The following STK11IP variants were observed in gnomAD, a reference collection of about 807,000 sequenced individuals.
STK11IP encodes serine/threonine-protein kinase 11-interacting protein.
STK11IP carries 103 observed loss-of-function variants against 131.7 expected under a neutral mutation model. That is an observed-to-expected ratio of 0.78 (90% CI 0.67 to 0.92). The LOEUF (loss-of-function observed/expected upper bound fraction) is 0.92. Among genes scored for constraint, STK11IP ranks in the 40% least tolerant of loss-of-function variants. The pLI is 0.00. For missense variants in STK11IP, 1,315 were observed against 1,385.7 expected, an observed-to-expected ratio of 0.95 and a Z score of 0.81; for synonymous variants, 557 against 575.6, an observed-to-expected ratio of 0.97 and a Z score of 0.46.
chr2:219,603,556 T>C (rs940947336), intron 7 of STK11IP, among the ~76,000 whole-genome samples: 1 of 151,854 alleles, frequency 6.6e-6, no homozygotes, highest in African/African-American at 2.4e-5. Flanking sequence ...AGTCTTGCTC[T>C]GTCACCCAGG....
chr2:219,602,924 G>A (rs1698037787), intron 7 of STK11IP, 148 bp downstream of exon 7: 1 of 742,860 alleles, frequency 1.3e-6, no homozygotes, highest in Admixed American at 2.7e-5. Flanking sequence ...TTAGACACTA[G>A]CATCAGACAA....
At chr2:219,599,368 C>T (rs1159525216) in intron 2 of STK11IP, among the ~76,000 whole-genome samples, 4 of 152,194 alleles carry the variant, frequency 2.6e-5, no homozygotes, top group Non-Finnish European at 4.4e-5. Flanking sequence ...GGATTAAAGT[C>T]GTGAGCCACA....
In STK11IP at chr2:219,601,312, C is replaced by G; in HGVS notation, c.139C>G (p.Leu47Val). 1.2e-6 allele frequency: 2 copies of G among 1,614,082 alleles called. No individual in the cohort carries two copies. Among genetic ancestry groups the G allele is most frequent in the Non-Finnish European group, 1.7e-6 (2 of 1,179,914 alleles). The stretch of plus-strand genomic sequence containing the variant: ...GCAACAGCTGAACCACGTATTTGAG[C>G]TGCACCTGGGGCCATGGGGCCCTGG... The part of the protein sequence containing the change: ...TLQQLNHVFE[L>V]HLGPWGPGQT... The change falls in exon 3 of 25, where the codon CTG (leucine) becomes GTG (valine). Residue 47 changes from leucine to valine, a missense_variant. By Grantham distance (32) the Leu-to-Val change is conservative (BLOSUM62 1). Coordinates refer to ENST00000456909, the MANE Select transcript of STK11IP (RefSeq NM_052902.4).
chr2:219,601,644 G>A lies in STK11IP; in HGVS notation c.271G>A (p.Val91Ile). 4 of 1,572,248 alleles carry A rather than the reference G, an allele frequency of 2.5e-6. No individual in the cohort carries two copies. The highest frequency in any genetic ancestry group is 1.9e-5 in the Admixed American group (1 of 52,344). Residue 91 changes from valine (V) to isoleucine (I), a missense_variant, in exon 4 of 25, where the codon GTC (valine) becomes ATC (isoleucine). Coordinates refer to ENST00000456909, the MANE Select transcript of STK11IP (RefSeq NM_052902.4). ...TGAGTTTTTTTTTTTTTTTCAGCTG[G>A]TCCATGTTGCTGGTCCTGGCCCCAC... is the stretch of plus-strand genomic sequence containing the variant. ...VLQKTLSLKL[V>I]HVAGPGPTGP...
At chr2:219,598,210 C>G (rs1163905007) in intron 2 of STK11IP, 30 bp downstream of exon 2, 1 of 1,500,292 alleles carries the variant, frequency 6.7e-7, no homozygotes, top group East Asian at 2.5e-5. Flanking sequence ...GGCTGGGCCT[C>G]GGACCTCGGA....
intron 15 of STK11IP, 77 bp from the exon 16 acceptor site, chr2:219,609,020 C>T: frequency 8.2e-7 from 1 of 1,217,838 alleles, no homozygotes; most frequent in Non-Finnish European, 1.2e-6. Flanking sequence ...CTGCCATCCT[C>T]CATGCTCTCA....
In STK11IP at chr2:219,600,053, G is replaced by A. The variant is rs866051214; in HGVS notation, c.62-1182G>A. ...GCCTGCCCTTTGTGTTTTTTTTTTT[G>A]TTTTTGTTTTTTTTTTTTTTTTTTT... On this transcript the variant is annotated intron_variant, in intron 2 of 24. Transcript: ENST00000456909. Among the ~76,000 whole-genome samples the A allele has an allele frequency of 3.9e-5, 4 of 101,572 alleles. No homozygotes were observed. The South Asian group carries it at 1.2e-3, about 32-fold the overall frequency. 66.6% of individuals were successfully genotyped at this position (101,572 alleles called of 152,430 possible).
chr2:219,610,745 G>A (rs1698369890), intron 17 of STK11IP, among the ~76,000 whole-genome samples: 1 of 152,132 alleles, frequency 6.6e-6, no homozygotes, highest in Non-Finnish European at 1.5e-5. Context: ...TCTGAACAAA[G>A]AAGGGAATGA....
In STK11IP at chr2:219,608,774, T is replaced by C. The variant is rs749220928; in HGVS notation, c.1795T>C (p.Ser599Pro). Residue 599 changes from serine (S) to proline (P), a missense_variant, in exon 15 of 25, where the codon TCG becomes CCG. Transcript: ENST00000456909. ...AGAGCCGGAGGCCCAGGCCCAGAGGTCGCCCAGGCCCACGGTGAGTGGGGC... is the reference window on the plus strand; with the variant it reads ...AGAGCCGGAGGCCCAGGCCCAGAGGCCGCCCAGGCCCACGGTGAGTGGGGC... ...EIEPEAQAQR[S>P]PRPTGSDLLP... The C allele has an allele frequency of 6.2e-7, 1 of 1,605,846 alleles. No individual in the cohort carries two copies. Among genetic ancestry groups the C allele is most frequent in the Non-Finnish European group, 8.5e-7 (1 of 1,176,904 alleles).
rs867589847 is a variant in STK11IP at position 219,606,220 on chromosome 2, G to T, written c.875G>T (p.Trp292Leu). ...CTCTACCTGGAGGGGAACCCTCTTT[G>T]GTTCCACCCTGAGCACCGAGCAGCC... Reference protein sequence around the residue: ...RKLYLEGNPLWFHPEHRAATA... With the variant: ...RKLYLEGNPLLFHPEHRAATA... Residue 292 changes from tryptophan (W) to leucine (L), a missense_variant, in exon 10 of 25, where the codon TGG becomes TTG. By Grantham distance (61) the Trp-to-Leu change is moderately conservative. Transcript: ENST00000456909. 1 of 1,569,758 alleles carries T rather than the reference G, an allele frequency of 6.4e-7. No individual in the cohort carries two copies. The highest frequency in any genetic ancestry group is 8.6e-7 in the Non-Finnish European group (1 of 1,157,280).
intron 16 of STK11IP, 44 bp from the exon 17 acceptor site, chr2:219,609,318 TG>T (rs766173542): frequency 1.9e-6 from 3 of 1,602,234 alleles, no homozygotes; most frequent in East Asian, 4.5e-5. Context: ...GGTGTCCGTC[TG>T]GGGTCCGCCT....
intron 2 of STK11IP, among the ~76,000 whole-genome samples, chr2:219,600,656 C>T (rs556051556): frequency 2.0e-5 from 3 of 152,180 alleles, no homozygotes; most frequent in Non-Finnish European, 4.4e-5. Flanking sequence ...GCAGTTTTAA[C>T]AGACAGCAAT....
chr2:219,615,403 A>G (rs1352110079), intron 24 of STK11IP, 62 bp downstream of exon 24: 2 of 1,553,800 alleles, frequency 1.3e-6, no homozygotes, highest in African/African-American at 2.7e-5. Flanking sequence ...GGTTGGGGCC[A>G]TGAGGGCAGG....
chr2:219,598,853 G>A (rs1400953250), intron 2 of STK11IP, among the ~76,000 whole-genome samples: 1 of 152,244 alleles, frequency 6.6e-6, no homozygotes, highest in East Asian at 1.9e-4. Context: ...TCAGATAGGA[G>A]AAGTAACTTC....
At chr2:219,612,276 C>T (rs1410863437) in intron 19 of STK11IP, among the ~76,000 whole-genome samples, 1 of 152,226 alleles carries the variant, frequency 6.6e-6, no homozygotes, top group Non-Finnish European at 1.5e-5. Flanking sequence ...CTCCCTTACA[C>T]AGTGGCGTGC....
intron 24 of STK11IP, chr2:219,615,723 T>C (rs1383883617): frequency 1.5e-6 from 1 of 648,052 alleles, no homozygotes; most frequent in East Asian, 3.3e-5. Flanking sequence ...AAGCTGAGGC[T>C]TGGGGATGTT....
At chr2:219,607,161 CCT>C (rs1406774747) in intron 13 of STK11IP, 24 bp downstream of exon 13, 3 of 1,607,054 alleles carry the variant, frequency 1.9e-6, no homozygotes, top group African/African-American at 2.7e-5. Flanking sequence ...ATCCCACTAA[CCT>C]CTCTCGTCCC....
At chr2:219,612,185 G>A in intron 19 of STK11IP, 127 bp downstream of exon 19, 1 of 813,962 alleles carries the variant, frequency 1.2e-6, no homozygotes, top group Non-Finnish European at 2.0e-6. Flanking sequence ...AACCCCAGCA[G>A]CTTCTTGCTG....
chr2:219,613,596 T>G (rs1574632129), intron 20 of STK11IP, among the ~76,000 whole-genome samples, 156 bp from the exon 21 acceptor site: 1 of 27,674 alleles, frequency 3.6e-5, no homozygotes, highest in Non-Finnish European at 7.1e-5. Flanking sequence ...GGAGATGGGG[T>G]GAGTGAGGGA....
Sources: allele counts gnomAD v4.1 joint callset (sites outside exome capture counted in the v4.1 genomes callset), GRCh38; gene constraint gnomAD v4.1.1; transcripts MANE v1.5; gene names NCBI Gene and HGNC (gene_info 2026-07-23, HGNC 2026-07-21).